DYRK2: variants seen among roughly 807,000 people sequenced by gnomAD.
DYRK2 encodes the protein dual specificity tyrosine-phosphorylation-regulated kinase 2.
DYRK2 carries 12 observed loss-of-function variants against 41.6 expected under a neutral mutation model. That is an observed-to-expected ratio of 0.29 (90% CI 0.18 to 0.47). DYRK2 has a LOEUF of 0.47. DYRK2 is among the 20% of genes least tolerant of loss of function. The pLI is 1.00. For missense variants in DYRK2, 678 were observed against 798.4 expected (o/e 0.85, Z 1.82); for synonymous variants, 322 against 315.7 (o/e 1.02, Z -0.21).
intron 2 of DYRK2, among the ~76,000 whole-genome samples, chr12:67,652,898 C>T (rs1293391655): frequency 3.3e-5 from 5 of 152,180 alleles, no homozygotes; most frequent in Non-Finnish European, 7.3e-5. Context: ...GGCTCCATCT[C>T]GGCTCACTGC....
At position 67,655,369 on chromosome 12, in the gene DYRK2, T is replaced by C. The variant is rs192843705; in HGVS notation, c.199-1737T>C. Among the ~76,000 whole-genome samples, 412 of 152,188 alleles carry C rather than the reference T, an allele frequency of 2.7e-3. 2 individuals carry two copies. The highest frequency in any genetic ancestry group is 5.3e-3 in the Admixed American group (81 of 15,280). Reference sequence around the variant, plus strand: ...TTGTCTGGTGTTTGAAAGACCACAGTGGACAGGAGAGGGTGCAGAGAGCGA... The same window carrying C: ...TTGTCTGGTGTTTGAAAGACCACAGCGGACAGGAGAGGGTGCAGAGAGCGA... On this transcript the variant is annotated intron_variant, in intron 2 of 2. Coordinates refer to ENST00000344096, the MANE Select transcript of DYRK2 (RefSeq NM_006482.3).
At chr12:67,652,211 G>T (rs1241199694) in intron 2 of DYRK2, among the ~76,000 whole-genome samples, 2 of 152,090 alleles carry the variant, frequency 1.3e-5, no homozygotes, top group Admixed American at 6.5e-5. Flanking sequence ...ATATCTCCAT[G>T]TATAAGTTGT....
rs368545205 is a variant in DYRK2 at position 67,658,722 on chromosome 12, C to G, written c.*9C>G. 1.0e-4 allele frequency: 163 copies of G among 1,587,548 alleles called. No individual in the cohort carries two copies. Among genetic ancestry groups the G allele is most frequent in the Middle Eastern group, 1.7e-4 (1 of 5,902 alleles). On this transcript the variant is annotated 3_prime_UTR_variant, in exon 3 of 3. Transcript: ENST00000344096. This position sits in a 1 kb window ranked among gnomAD's most constrained non-coding sequence, Gnocchi z 4.3. ...CAAAACTTGTTAGCTGAGCTCACGT[C>G]CCCTGATGCTGGTAACCTGAAAGAT...
intron 2 of DYRK2, among the ~76,000 whole-genome samples, chr12:67,653,719 G>A (rs530115234): frequency 6.0e-4 from 91 of 152,300 alleles, no homozygotes; most frequent in African/African-American, 2.1e-3. Flanking sequence ...AGAGGCAAGA[G>A]TTAACAAGGA....
intron 2 of DYRK2, chr12:67,651,688 GTTTTGA>G: frequency 2.2e-6 from 1 of 452,842 alleles, no homozygotes; most frequent in Non-Finnish European, 4.4e-6. Flanking sequence ...TGGTGGTTTA[GTTTTGA>G]TTTTATTTCT....
At position 67,663,804 on chromosome 12, in the gene DYRK2, T is replaced by G. The variant is rs879905538; in HGVS notation, c.*5091T>G. ...AAGCGCTTTTTAAAATTGATCAATG[T>G]GCAATTCTGTTTGAGTCTCTACAGT... is the stretch of plus-strand genomic sequence containing the variant. On this transcript the variant is annotated 3_prime_UTR_variant, in exon 3 of 3. Transcript: ENST00000344096. 1 of 152,192 alleles carries G rather than the reference T, an allele frequency of 6.6e-6. No homozygotes were observed. The highest frequency in any genetic ancestry group is 1.5e-5 in the Non-Finnish European group (1 of 68,006). 9.4% of individuals were successfully genotyped at this position (152,192 alleles called of 1,614,324 possible).
rs745859869 is a variant in DYRK2, at chr12:67,657,153, C to G, written c.246C>G (p.Ser82Arg). 1.3e-6 allele frequency: 2 copies of G among 1,591,284 alleles called. No homozygotes were observed. Among genetic ancestry groups the G allele is most frequent in the Non-Finnish European group, 1.7e-6 (2 of 1,168,708 alleles). Residue 82 changes from serine to arginine, a missense_variant, in exon 3 of 3, where the codon AGC becomes AGG. Around this residue, in one of 2 missense-constraint regions of DYRK2, gnomAD observed 285 missense variants for 279.2 expected, o/e 1.02. Transcript: ENST00000344096. The surrounding 1 kb of genome is among the most constrained non-coding windows in gnomAD (Gnocchi z 4.8). ...TGAATGATCACCTGCATGTCGGCAG[C>G]CACGCTCACGGACAGATCCAGGTTC... is the stretch of plus-strand genomic sequence containing the variant. ...HTMNDHLHVG[S>R]HAHGQIQVQQ...
chr12:67,650,429 G>A (rs1239018913), intron 2 of DYRK2, among the ~76,000 whole-genome samples: 1 of 152,170 alleles, frequency 6.6e-6, no homozygotes, highest in African/African-American at 2.4e-5. Context: ...AGGGAGCATC[G>A]CCAATTGTCC....
rs1872672243 is a variant in DYRK2, at chr12:67,663,372, C to G, written c.*4659C>G. 6.6e-6 allele frequency: 1 copy of G among 152,038 alleles called. No homozygotes were observed. The highest frequency in any genetic ancestry group is 1.5e-5 in the Non-Finnish European group (1 of 67,982). The allele number at this position is 152,038 out of a possible 1,614,324, so 9.4% of individuals were successfully genotyped here. A position where few individuals can be genotyped will look rare whatever the true frequency, so the allele number is the denominator to read the frequency against. On this transcript the variant is annotated 3_prime_UTR_variant, in exon 3 of 3. Coordinates refer to ENST00000344096, the MANE Select transcript of DYRK2 (RefSeq NM_006482.3). The stretch of plus-strand genomic sequence containing the variant: ...AGGGATATTGTGTAGTCAGATATTA[C>G]CCTCTTGTGGAAAGAACTACCTCAC...
chr12:67,658,283 A>G lies in DYRK2; in HGVS notation c.1376A>G (p.Lys459Arg). 1.9e-6 allele frequency: 3 copies of G among 1,614,202 alleles called. No homozygotes were observed. The highest frequency in any genetic ancestry group is 2.5e-6 in the Non-Finnish European group (3 of 1,180,032). The change falls in exon 3 of 3, where the codon AAG (lysine) becomes AGG (arginine). Residue 459 changes from lysine to arginine, a missense_variant. Lys to Arg is a conservative substitution (Grantham distance 26). Transcript: ENST00000344096. This position sits in a 1 kb window ranked among gnomAD's most constrained non-coding sequence, Gnocchi z 4.3. ...SKRAKNFVSS[K>R]GYPRYCTVTT... ...CGAGCCAAAAATTTTGTGAGCTCCA[A>G]GGGTTATCCCCGTTACTGCACTGTC...
At position 67,659,618 on chromosome 12, in the gene DYRK2, A is replaced by G. The variant is rs1182146921; in HGVS notation, c.*905A>G. ...ACAGAAAAGAGACATTTCAGCTGTG[A>G]TTATGACCATTGTTTCATATTCCAA... On this transcript the variant is annotated 3_prime_UTR_variant, in exon 3 of 3. Transcript: ENST00000344096. 1.2e-5 allele frequency: 2 copies of G among 166,878 alleles called. No individual in the cohort carries two copies. Among genetic ancestry groups the G allele is most frequent in the Non-Finnish European group, 2.9e-5 (2 of 68,114 alleles). 10.3% of individuals were successfully genotyped at this position (166,878 alleles called of 1,614,324 possible).
chr12:67,649,661 C>T (rs1160559227), intron 1 of DYRK2, 136 bp from the exon 2 acceptor site: 3 of 1,037,516 alleles, frequency 2.9e-6, no homozygotes, highest in African/African-American at 3.3e-5. Context: ...CCCGAACGCC[C>T]GTTTTTACTG....
chr12:67,651,797 C>T, intron 2 of DYRK2: 1 of 343,830 alleles, frequency 2.9e-6, no homozygotes. Context: ...AGGAAACAGA[C>T]TCAGACAAGG....
rs542148045 is a variant in DYRK2, at chr12:67,662,251, G to A, written c.*3538G>A. ...TGTAATAGCATTAAAAAAAGTATTT[G>A]TGAACTCTGTTTCTTAGGGGCTTGT... On this transcript the variant is annotated 3_prime_UTR_variant, in exon 3 of 3. Coordinates refer to ENST00000344096, the MANE Select transcript of DYRK2 (RefSeq NM_006482.3). 6.6e-5 allele frequency: 11 copies of A among 166,744 alleles called. No individual in the cohort carries two copies. Among genetic ancestry groups the A allele is most frequent in the Non-Finnish European group, 1.5e-4 (10 of 68,052 alleles). 10.3% of individuals were successfully genotyped at this position (166,744 alleles called of 1,614,324 possible).
At chr12:67,654,806 ATG>A (rs1244981742) in intron 2 of DYRK2, among the ~76,000 whole-genome samples, 1 of 152,180 alleles carries the variant, frequency 6.6e-6, no homozygotes, top group African/African-American at 2.4e-5. Context: ...ATAGTTGGAT[ATG>A]TGTGTCTTCC....
intron 2 of DYRK2, among the ~76,000 whole-genome samples, chr12:67,651,081 C>T (rs1206634648): frequency 6.6e-6 from 1 of 152,180 alleles, no homozygotes; most frequent in Non-Finnish European, 1.5e-5. Flanking sequence ...GTTGCTGTTA[C>T]TATCTTCCCC....
intron 2 of DYRK2, 120 bp downstream of exon 2, chr12:67,650,065 C>T (rs1872270866): frequency 2.8e-6 from 3 of 1,067,560 alleles, no homozygotes; most frequent in South Asian, 4.0e-5. Flanking sequence ...AGCAGCCCCA[C>T]GCCTCGGGCC....
chr12:67,649,663 T>C, intron 1 of DYRK2, 134 bp from the exon 2 acceptor site: 3 of 1,083,660 alleles, frequency 2.8e-6, no homozygotes, highest in Non-Finnish European at 3.5e-6. Flanking sequence ...CGAACGCCCG[T>C]TTTTACTGCC....
At chr12:67,655,967 C>G (rs1190594470) in intron 2 of DYRK2, among the ~76,000 whole-genome samples, 2 of 152,196 alleles carry the variant, frequency 1.3e-5, no homozygotes, top group Non-Finnish European at 1.5e-5. Context: ...GGGACTCTGT[C>G]ACTTTGGCAG....
Sources: gnomAD v4.1 joint callset for allele counts (sites outside exome capture counted in the v4.1 genomes callset) on GRCh38, gnomAD v4.1.1 for gene constraint, gnomAD v4.1.1 regional missense constraint, Gnocchi (gnomAD v3.1) non-coding constraint, MANE v1.5 for transcripts, NCBI Gene and HGNC (gene_info 2026-07-23, HGNC 2026-07-21) for gene names.